The following ASIC2 variants were observed in gnomAD, a reference collection of about 807,000 sequenced individuals.
ASIC2 encodes acid-sensing ion channel 2.
A neutral mutation model predicts 57.3 loss-of-function variants in ASIC2; 25 were observed. That is an observed-to-expected ratio of 0.44 (90% confidence interval 0.32 to 0.61). The LOEUF is 0.61. ASIC2 is among the 20% of genes least tolerant of loss of function. The probability of loss-of-function intolerance (pLI) is 0.06; values close to 1 mark genes in which losing one functional copy is unlikely to be tolerated. For synonymous variants in ASIC2, 319 were observed against 307.5 expected (o/e 1.04, Z -0.39); for missense variants, 641 against 738.1 (o/e 0.87, Z 1.52).
rs568827014 is a variant in ASIC2, at chr17:33,266,667, C to T, written c.708+24741G>A. On this transcript the variant is annotated intron_variant, in intron 1 of 9. Coordinates refer to ENST00000225823, the MANE Select transcript of ASIC2 (RefSeq NM_183377.2). The stretch of plus-strand genomic sequence containing the variant: ...GGCTGCCCCCTTACACGTGCATCCC[C>T]GACGTTTGGAACCAGACACTAAGTG... Among the ~76,000 whole-genome samples the T allele has an allele frequency of 6.6e-5, 10 of 151,756 alleles. No homozygotes were observed. In the East Asian group the frequency reaches 7.8e-4, roughly 12 times the overall value.
intron 1 of ASIC2, among the ~76,000 whole-genome samples, chr17:33,327,672 G>A (rs997401629): frequency 1.3e-5 from 2 of 152,122 alleles, no homozygotes; most frequent in East Asian, 1.9e-4. Flanking sequence ...TGCCAAAGTC[G>A]TTCATTAGAA....
chr17:33,529,948 T>C (rs1914998594), intron 1 of ASIC2: 1 of 152,204 alleles, frequency 6.6e-6, no homozygotes, highest in South Asian at 2.1e-4. Flanking sequence ...CCTTGGAGTA[T>C]TGAATTTCAA....
At chr17:33,112,299 A>G in intron 1 of ASIC2, 2 of 540,968 alleles carry the variant, frequency 3.7e-6, no homozygotes, top group South Asian at 4.7e-5. Context: ...TTGTTGCAGT[A>G]GGATCTGGTC....
At chr17:33,378,674 TGGAAATG>T (rs1909368130) in intron 1 of ASIC2, among the ~76,000 whole-genome samples, 1 of 152,232 alleles carries the variant, frequency 6.6e-6, no homozygotes, top group South Asian at 2.1e-4. Flanking sequence ...TGCCAGTGAT[TGGAAATG>T]AACTGGCAGG....
At chr17:33,557,678 G>A (rs577393203) in intron 1 of ASIC2, among the ~76,000 whole-genome samples, 73 of 152,230 alleles carry the variant, frequency 4.8e-4, no homozygotes, top group South Asian at 1.2e-3. Flanking sequence ...AGGGTTTGCC[G>A]TCTGACTATA....
At chr17:33,447,912 CAAA>C (rs34092157) in intron 1 of ASIC2, among the ~76,000 whole-genome samples, 7 of 73,084 alleles carry the variant, frequency 9.6e-5, no homozygotes, top group Non-Finnish European at 1.2e-4. Context: ...GACTCAGTCT[CAAA>C]AAAAAAAAAA....
At chr17:33,838,395 C>G (rs763793054) in intron 1 of ASIC2, among the ~76,000 whole-genome samples, 1 of 151,998 alleles carries the variant, frequency 6.6e-6, no homozygotes, top group Non-Finnish European at 1.5e-5. Context: ...GAGGCTTCAC[C>G]CAGATCATGT....
chr17:33,700,307 A>C (rs921343660), intron 1 of ASIC2, among the ~76,000 whole-genome samples: 2 of 152,152 alleles, frequency 1.3e-5, no homozygotes, highest in Non-Finnish European at 2.9e-5. Context: ...GATAGTTTGT[A>C]ACCATGACCT....
intron 1 of ASIC2, among the ~76,000 whole-genome samples, chr17:33,154,585 G>A (rs1904925022): frequency 6.6e-6 from 1 of 152,152 alleles, no homozygotes; most frequent in Non-Finnish European, 1.5e-5. Context: ...CAGTAGCCAT[G>A]CCGGAATGAA....
rs542022521 is a variant in ASIC2 at position 33,032,248 on chromosome 17, T to A, written c.988-3856A>T. Among the ~76,000 whole-genome samples, 7 of 152,302 alleles carry A rather than the reference T, an allele frequency of 4.6e-5. No individual in the cohort carries two copies. In the South Asian group the frequency reaches 1.4e-3, roughly 32 times the overall value. ...ATATTGTTTTAGTAGTTCATTCTGT[T>A]TTCTCCATTGAGTTTCAATTTATAG... On this transcript the variant is annotated intron_variant, in intron 3 of 9. Transcript: ENST00000225823.
At chr17:33,370,526 T>G (rs1262678274) in intron 1 of ASIC2, among the ~76,000 whole-genome samples, 1 of 152,128 alleles carries the variant, frequency 6.6e-6, no homozygotes, top group African/African-American at 2.4e-5. Context: ...TCTTTAGCAG[T>G]CAAAACCAAA....
chr17:34,122,914 CAT>C (rs1269036337), intron 1 of ASIC2, among the ~76,000 whole-genome samples: 2 of 152,218 alleles, frequency 1.3e-5, no homozygotes, highest in African/African-American at 4.8e-5. Context: ...AAAGCAGCCT[CAT>C]AAAGAATATC....
chr17:33,520,276 C>T (rs540312211), intron 1 of ASIC2, among the ~76,000 whole-genome samples: 18 of 152,278 alleles, frequency 1.2e-4, no homozygotes, highest in Admixed American at 6.5e-4. Flanking sequence ...AACAAGGATA[C>T]GGGACAGAAA....
intron 3 of ASIC2, among the ~76,000 whole-genome samples, chr17:33,051,244 G>A (rs1418279757): frequency 6.6e-6 from 1 of 152,168 alleles, no homozygotes; most frequent in Non-Finnish European, 1.5e-5. Context: ...CAAAGGCAAA[G>A]TGATTTTCTA....
At chr17:33,986,505 T>C (rs1053382832) in intron 1 of ASIC2, among the ~76,000 whole-genome samples, 2 of 152,168 alleles carry the variant, frequency 1.3e-5, no homozygotes, top group African/African-American at 4.8e-5. Flanking sequence ...TAAATCCTTC[T>C]GGGCCTATTC....
chr17:33,339,903 C>T (rs1280567844), intron 1 of ASIC2, among the ~76,000 whole-genome samples: 1 of 152,068 alleles, frequency 6.6e-6, no homozygotes, highest in Non-Finnish European at 1.5e-5. Context: ...ATCCATCACC[C>T]GACCCCAACT....
intron 1 of ASIC2, among the ~76,000 whole-genome samples, chr17:33,761,373 G>A (rs1310532713): frequency 2.0e-5 from 3 of 152,182 alleles, no homozygotes; most frequent in African/African-American, 7.2e-5. Flanking sequence ...GAATGAAGGA[G>A]CTCTGTAGGG....
chr17:33,402,848 T>C (rs904344893), intron 1 of ASIC2, among the ~76,000 whole-genome samples: 4 of 152,224 alleles, frequency 2.6e-5, no homozygotes, highest in South Asian at 2.1e-4. Context: ...TTCTAAATCT[T>C]TGAGGAATCA....
intron 1 of ASIC2, among the ~76,000 whole-genome samples, chr17:33,564,650 C>A (rs1011867678): frequency 6.6e-6 from 1 of 152,262 alleles, no homozygotes; most frequent in African/African-American, 2.4e-5. Flanking sequence ...CCACCCCTAG[C>A]CTGTTGGGAG....
Sources: gnomAD v4.1 joint callset for allele counts (sites outside exome capture counted in the v4.1 genomes callset) on GRCh38, gnomAD v4.1.1 for gene constraint, MANE v1.5 for transcripts, NCBI Gene and HGNC (gene_info 2026-07-23, HGNC 2026-07-21) for gene names.